The following YBEY variants were observed in gnomAD, a reference collection of about 807,000 sequenced individuals.
The protein encoded by YBEY is ybeY metalloendoribonuclease, also known as endoribonuclease YbeY.
Under a neutral mutation model 13.5 loss-of-function variants are expected in YBEY, and 15 were observed. The observed-to-expected ratio is 1.11, with a 90% CI of 0.75 to 1.72. The LOEUF (loss-of-function observed/expected upper bound fraction) is 1.72. YBEY is among the 40% of genes most tolerant of loss of function. The probability of loss-of-function intolerance (pLI) is 0.00; values close to 1 mark genes in which losing one functional copy is unlikely to be tolerated. For missense variants in YBEY, 244 were observed against 208.4 expected, an observed-to-expected ratio of 1.17 and a Z score of -1.05; for synonymous variants, 101 against 83.1, an observed-to-expected ratio of 1.21 and a Z score of -1.17.
chr21:46,297,950 C>T (rs1486271133), downstream of YBEY, among the ~76,000 whole-genome samples: 1 of 151,950 alleles, frequency 6.6e-6, no homozygotes, highest in Non-Finnish European at 1.5e-5. Context: ...GGTGCCGCAG[C>T]GCGTCCTTCC....
At chr21:46,311,621 C>A in the YBEY span, 4 of 1,027,518 alleles carry the variant, frequency 3.9e-6, no homozygotes, top group African/African-American at 6.3e-5. Context: ...GAAAGTGTCT[C>A]CAGTATCTAC....
At chr21:46,292,427 G>T (rs143908416) in intron 3 of YBEY, among the ~76,000 whole-genome samples, 1 of 152,150 alleles carries the variant, frequency 6.6e-6, no homozygotes, top group South Asian at 2.1e-4. Flanking sequence ...AGGTGGCTTC[G>T]GTCTTGAGCA....
intron 3 of YBEY, among the ~76,000 whole-genome samples, chr21:46,292,590 TTAG>T (rs879689891): frequency 0.013 from 1,741 of 135,214 alleles, 106 homozygotes; most frequent in East Asian, 0.079. Flanking sequence ...CCTCCCGCGG[TTAG>T]CCTGACCCGT....
chr21:46,303,020 C>T, the YBEY span, among the ~76,000 whole-genome samples: 2 of 152,034 alleles, frequency 1.3e-5, no homozygotes, highest in Non-Finnish European at 2.9e-5. Flanking sequence ...AAAAATTAGC[C>T]AGGCGTGGTG....
chr21:46,306,132 G>A, the YBEY span, among the ~76,000 whole-genome samples: 10 of 151,796 alleles, frequency 6.6e-5, no homozygotes, highest in Admixed American at 1.3e-4. Context: ...GGCAAGCCCA[G>A]TGCAATCACA....
At chr21:46,303,990 A>G in the YBEY span, among the ~76,000 whole-genome samples, 3 of 131,902 alleles carry the variant, frequency 2.3e-5, no homozygotes, top group African/African-American at 8.7e-5. Flanking sequence ...TGACCTCATG[A>G]TCCACCTGCC....
At chr21:46,298,433 G>GTTTTTTTTTTTTTTTTT (rs1569107101), downstream of YBEY, among the ~76,000 whole-genome samples, 30 of 67,230 alleles carry the variant, frequency 4.5e-4, 1 homozygote, top group African/African-American at 1.2e-3. Context: ...TTTAATCCAA[G>GTTTTTTTTTTTTTTTTT]CTTTTTTTTT....
chr21:46,291,505 A>G (rs753740686), intron 3 of YBEY, 43 bp downstream of exon 3: 1 of 1,608,502 alleles, frequency 6.2e-7, no homozygotes, highest in Non-Finnish European at 8.5e-7. Flanking sequence ...CTCATGGAAC[A>G]TGGGCCTTGC....
At chr21:46,301,582 C>G (rs776608644), downstream of YBEY, 14 of 998,924 alleles carry the variant, frequency 1.4e-5, no homozygotes, top group Non-Finnish European at 1.4e-5. Context: ...GTTCTGGCTC[C>G]TGAGCTGAGA....
chr21:46,291,361 C>T lies in YBEY; in HGVS notation c.238C>T (p.Pro80Ser), dbSNP rs768753319. The T allele has an allele frequency of 2.3e-5, 37 of 1,613,946 alleles. No individual in the cohort carries two copies. In the South Asian group the frequency reaches 2.7e-4, roughly 12 times the overall value. The change falls in exon 3 of 5, where the codon CCT (proline) becomes TCT (serine). Residue 80 changes from proline (P) to serine (S), a missense_variant. Coordinates refer to ENST00000397701, the MANE Select transcript of YBEY (RefSeq NM_001314025.2). ...TCTGAAAGCAGGTGAATTTCCCCAG[C>T]CTGATTTTCCAGATGACTACAATTT... ...EHLKAGEFPQPDFPDDYNLGD... is the reference protein window; with the variant it reads ...EHLKAGEFPQSDFPDDYNLGD...
chr21:46,296,821 C>T (rs926326428), intron 4 of YBEY, among the ~76,000 whole-genome samples: 7 of 150,816 alleles, frequency 4.6e-5, no homozygotes, highest in Non-Finnish European at 1.0e-4. Flanking sequence ...ATGGAGAAAC[C>T]CTGTCTCTAC....
chr21:46,303,978 C>G, the YBEY span, among the ~76,000 whole-genome samples: 1 of 142,588 alleles, frequency 7.0e-6, no homozygotes, highest in East Asian at 2.1e-4. Context: ...GTCTCGATCT[C>G]CTGACCTCAT....
intron 2 of YBEY, among the ~76,000 whole-genome samples, chr21:46,288,947 T>C (rs2081583331): frequency 6.6e-6 from 1 of 151,470 alleles, no homozygotes; most frequent in Admixed American, 6.6e-5. Flanking sequence ...TCGCCTGAGC[T>C]CAAGAAACTG....
chr21:46,295,772 C>A (rs958893743), intron 3 of YBEY, among the ~76,000 whole-genome samples: 1 of 152,108 alleles, frequency 6.6e-6, no homozygotes. Context: ...CTTGCCTCGT[C>A]CCTCTTAGGG....
In YBEY at chr21:46,287,124, G is replaced by A. The variant is rs778725469; in HGVS notation, c.210+1G>A. On this transcript the variant is annotated splice_donor_variant, in intron 2 of 4. Transcript: ENST00000397701. LOFTEE classifies it high-confidence loss of function. ...TGTGCTTTCTTTTCCATTTCATGAG[G>A]TAAAAAAAAAATGTTCCTCTTCTTG... The A allele has an allele frequency of 6.6e-6, 8 of 1,216,120 alleles. No individual in the cohort carries two copies. In the Admixed American group the frequency reaches 8.8e-5, roughly 13 times the overall value. The allele number at this position is 1,216,120 out of a possible 1,614,324, so 75.3% of individuals were successfully genotyped here.
rs1456005290 is a variant in YBEY, at chr21:46,296,223, G to A, written c.401G>A (p.Trp134Ter). ...LGFTHGTEAEWQQMFQKEKAV... is the reference protein window; with the variant it reads ...LGFTHGTEAE The stretch of plus-strand genomic sequence containing the variant: ...TTCACACACGGCACGGAGGCAGAGT[G>A]GCAGCAGGTAAGGAGCCCATCCATC... The change falls in exon 4 of 5, where the codon TGG becomes TAG. Residue 134 changes from tryptophan to a stop codon, truncating the protein, a stop_gained. Coordinates refer to ENST00000397701, the MANE Select transcript of YBEY (RefSeq NM_001314025.2). LOFTEE classifies it low-confidence loss of function (END_TRUNC). The A allele has an allele frequency of 6.2e-7, 1 of 1,613,690 alleles. No homozygotes were observed. Among genetic ancestry groups the A allele is most frequent in the Non-Finnish European group, 8.5e-7 (1 of 1,180,024 alleles).
chr21:46,298,446 T>TTTTTTTTTTTTTTTTTTTTTTTTTA, downstream of YBEY, among the ~76,000 whole-genome samples: 1 of 139,826 alleles, frequency 7.2e-6, no homozygotes, highest in South Asian at 2.4e-4. Flanking sequence ...TTTTTTTTTT[T>TTTTTTTTTTTTTTTTTTTTTTTTTA]GAGACGGAGT....
chr21:46,306,669 C>T, the YBEY span, among the ~76,000 whole-genome samples: 1 of 152,178 alleles, frequency 6.6e-6, no homozygotes, highest in South Asian at 2.1e-4. Context: ...CTCACTGCAG[C>T]CTCCACCTCC....
the YBEY span, among the ~76,000 whole-genome samples, chr21:46,305,666 G>A: frequency 3.8e-3 from 581 of 152,192 alleles, 16 homozygotes; most frequent in South Asian, 0.056. Flanking sequence ...TTGGCCGGGC[G>A]CGGTGGCTCA....
Sources: allele counts gnomAD v4.1 joint callset (sites outside exome capture counted in the v4.1 genomes callset), GRCh38; gene constraint gnomAD v4.1.1; transcripts MANE v1.5; gene names NCBI Gene and HGNC (gene_info 2026-07-23, HGNC 2026-07-21).